Variants in IRAG2 observed in about 807,000 individuals in gnomAD.
The protein encoded by IRAG2 is lymphoid restricted membrane protein.
In IRAG2, 45 loss-of-function variants were observed where a neutral mutation model predicts 69.9. The observed-to-expected ratio is 0.64, with a 90% CI of 0.51 to 0.83. The LOEUF (loss-of-function observed/expected upper bound fraction) is 0.83, where lower values mean the gene tolerates loss of function less well. Ranked by LOEUF, IRAG2 falls within the 40% of genes least tolerant of loss-of-function variation. IRAG2 has a pLI of 0.00. For synonymous variants in IRAG2, 193 were observed against 202.4 expected (o/e 0.95, Z 0.40); for missense variants, 520 against 587.0 (o/e 0.89, Z 1.18).
chr12:25,007,147 A>T (rs1944439528), intron 2 of IRAG2, among the ~76,000 whole-genome samples: 1 of 152,216 alleles, frequency 6.6e-6, no homozygotes, highest in Non-Finnish European at 1.5e-5. Flanking sequence ...ATAACCAATT[A>T]TGTCTCATTT....
intron 3 of IRAG2, 51 bp downstream of exon 3, chr12:25,062,951 C>G (rs111524620): frequency 2.4e-4 from 96 of 398,884 alleles, no homozygotes; most frequent in African/African-American, 1.8e-3. Context: ...GAATCAACAA[C>G]TATCCTGTAA....
rs543884074 is a variant in IRAG2 at position 25,085,155 on chromosome 12, C to T, written c.315+1662C>T. On this transcript the variant is annotated intron_variant, in intron 10 of 21. Transcript: ENST00000556887. Reference sequence around the variant, plus strand: ...CTTGTGTGTTAATTAGCTCAATGGACCCTCAGCCTTATCACAAGGGCAGAG... The same window carrying T: ...CTTGTGTGTTAATTAGCTCAATGGATCCTCAGCCTTATCACAAGGGCAGAG... Among the ~76,000 whole-genome samples the T allele has an allele frequency of 3.1e-3, 476 of 152,372 alleles. 1 individual carries two copies. The highest frequency in any genetic ancestry group is 0.011 in the African/African-American group (448 of 41,588).
chr12:25,007,431 GA>G (rs1353161634), intron 2 of IRAG2, among the ~76,000 whole-genome samples: 6 of 152,156 alleles, frequency 3.9e-5, no homozygotes, highest in African/African-American at 1.4e-4. Flanking sequence ...CAATATCCAA[GA>G]AATGTTTATT....
Position 25,089,795 on chromosome 12 carries a change from G to GT in IRAG2, c.465+8dup. On this transcript the variant is annotated splice_donor_region_variant and intron_variant, in intron 13 of 21. Coordinates refer to ENST00000556887, the MANE Select transcript of IRAG2 (RefSeq NM_001366544.2). ...GCTAATGAGAAGGAGGTGGAGGTGA[G>GT]TTTAAAGCAAATTTTTTTTCCTTTT... The GT allele has an allele frequency of 2.5e-6, 4 of 1,612,854 alleles. No individual in the cohort carries two copies. The highest frequency in any genetic ancestry group is 3.4e-6 in the Non-Finnish European group (4 of 1,179,888).
intron 3 of IRAG2, chr12:25,015,119 AC>A: frequency 4.3e-6 from 2 of 469,234 alleles, no homozygotes; most frequent in East Asian, 8.0e-5. Context: ...AAAAGACAAA[AC>A]TTGGTCAGGC....
intron 7 of IRAG2, among the ~76,000 whole-genome samples, chr12:25,021,445 T>G (rs1055733448): frequency 6.6e-6 from 1 of 151,974 alleles, no homozygotes; most frequent in African/African-American, 2.4e-5. Flanking sequence ...ACCTTTTTTC[T>G]CAGATTTAAA....
intron 2 of IRAG2, among the ~76,000 whole-genome samples, chr12:25,007,092 C>G (rs945621052): frequency 1.3e-5 from 2 of 152,144 alleles, no homozygotes; most frequent in Non-Finnish European, 2.9e-5. Flanking sequence ...ACATTTCAAA[C>G]ATATACAGAG....
intron 14 of IRAG2, among the ~76,000 whole-genome samples, 182 bp downstream of exon 14, chr12:25,090,379 CAA>C (rs56280849): frequency 0.71 from 102,380 of 143,972 alleles, 36,682 homozygotes; most frequent in East Asian, 0.87. Context: ...CCATCTCTAC[CAA>C]AAAAAAAAAA....
In IRAG2 at chr12:25,032,295, G is replaced by A. The variant is rs1944674203; in HGVS notation, c.1579-10G>A. The A allele has an allele frequency of 2.8e-5, 11 of 399,018 alleles. No homozygotes were observed. The South Asian group carries it at 3.8e-4, about 14-fold the overall frequency. 24.7% of individuals were successfully genotyped at this position (399,018 alleles called of 1,614,324 possible). A position where few individuals can be genotyped will look rare whatever the true frequency, so the allele number is the denominator to read the frequency against. On this transcript the variant is annotated splice_polypyrimidine_tract_variant and intron_variant, in intron 11 of 38. Transcript: ENST00000636465. ...TAACATGTACAGCCTAATGTTGTGT[G>A]CGATTCCAGAATTTACGAGGGGAAA...
In IRAG2 at chr12:25,021,077, T is replaced by C. The variant is rs571355047; in HGVS notation, c.1332+170T>C. On this transcript the variant is annotated intron_variant, in intron 7 of 38. Transcript: ENST00000636465. ...TTTTTTTAAATCTGTGTTTTCCTTT[T>C]CTTTCTTTCTTTTCTTTTTTTTTTT... 2.1e-5 allele frequency: 8 copies of C among 390,138 alleles called. No homozygotes were observed. In the East Asian group the frequency reaches 2.6e-4, roughly 12 times the overall value. The allele number at this position is 390,138 out of a possible 1,614,324, so 24.2% of individuals were successfully genotyped here. A position where few individuals can be genotyped will look rare whatever the true frequency, so the allele number is the denominator to read the frequency against.
At chr12:25,037,838 T>C (rs550390674) in intron 15 of IRAG2, 19 of 395,676 alleles carry the variant, frequency 4.8e-5, no homozygotes, top group Non-Finnish European at 4.5e-5. Flanking sequence ...AATTGAGAAT[T>C]GGTACTCATT....
chr12:25,042,621 A>G (rs1456125673), intron 16 of IRAG2, among the ~76,000 whole-genome samples: 1 of 152,026 alleles, frequency 6.6e-6, no homozygotes, highest in Non-Finnish European at 1.5e-5. Context: ...ACGTGCCACC[A>G]TGCCCAGCTA....
At chr12:25,074,674 TATC>T (rs1233599372) in intron 6 of IRAG2, among the ~76,000 whole-genome samples, 1 of 152,214 alleles carries the variant, frequency 6.6e-6, no homozygotes, top group Non-Finnish European at 1.5e-5. Context: ...GAATCAGAAT[TATC>T]AGCAGCATGA....
chr12:25,047,009 C>T (rs1944800135), intron 16 of IRAG2, among the ~76,000 whole-genome samples: 1 of 152,040 alleles, frequency 6.6e-6, no homozygotes, highest in African/African-American at 2.4e-5. Flanking sequence ...AAGAGAGAGC[C>T]TAGAAATAAA....
chr12:24,997,976 G>T, the IRAG2 span, among the ~76,000 whole-genome samples: 1 of 152,154 alleles, frequency 6.6e-6, no homozygotes, highest in Non-Finnish European at 1.5e-5. Flanking sequence ...AATTAATCCT[G>T]CCATTTTCAG....
chr12:25,068,407 T>G (rs1302947103), intron 5 of IRAG2, among the ~76,000 whole-genome samples: 1 of 152,188 alleles, frequency 6.6e-6, no homozygotes, highest in Non-Finnish European at 1.5e-5. Flanking sequence ...ATGGCTATGT[T>G]TTAGTTCACC....
At chr12:25,101,873 C>G in intron 16 of IRAG2, 1 of 538,448 alleles carries the variant, frequency 1.9e-6, no homozygotes, top group Non-Finnish European at 3.5e-6. Flanking sequence ...AATCTGTTCC[C>G]TGTTCTAGAA....
chr12:25,003,418 A>G (rs537987940), upstream of IRAG2, among the ~76,000 whole-genome samples: 3 of 152,074 alleles, frequency 2.0e-5, no homozygotes, highest in South Asian at 4.1e-4. Context: ...TGACACCTTC[A>G]TGGCTCACTG....
intron 11 of IRAG2, among the ~76,000 whole-genome samples, chr12:25,089,244 C>T (rs185918334): frequency 6.6e-6 from 1 of 152,190 alleles, no homozygotes; most frequent in Non-Finnish European, 1.5e-5. Flanking sequence ...GTTCCTGCTA[C>T]TGCTAATAAA....
Sources: gnomAD v4.1 joint callset for allele counts (sites outside exome capture counted in the v4.1 genomes callset) on GRCh38, gnomAD v4.1.1 for gene constraint, MANE v1.5 for transcripts, NCBI Gene and HGNC (gene_info 2026-07-23, HGNC 2026-07-21) for gene names.